CCDC138: variants seen among roughly 807,000 people sequenced by gnomAD.
The protein encoded by CCDC138 is coiled-coil domain-containing protein 138.
CCDC138 carries 66 observed loss-of-function variants against 82.3 expected under a neutral mutation model. The ratio of observed to expected loss-of-function variants is 0.80; its 90% CI spans 0.66 to 0.98. CCDC138 has a LOEUF of 0.98. CCDC138 is among the 50% of genes least tolerant of loss of function. The pLI, the probability that CCDC138 is intolerant of heterozygous loss-of-function variation, is 0.00. For missense variants in CCDC138, 816 were observed against 758.9 expected, an observed-to-expected ratio of 1.08 and a Z score of -0.88; for synonymous variants, 297 against 265.4, an observed-to-expected ratio of 1.12 and a Z score of -1.16.
intron 1 of CCDC138, 86 bp downstream of exon 1, chr2:108,787,001 G>T (rs1678929172): frequency 4.4e-6 from 4 of 913,516 alleles, no homozygotes; most frequent in Non-Finnish European, 4.5e-6. Context: ...GCCTGGGGGC[G>T]CGCAGCGGCT....
rs574080332 is a variant in CCDC138, at chr2:108,861,765, G to A, written c.1693+4795G>A. Among the ~76,000 whole-genome samples the A allele has an allele frequency of 9.6e-4, 146 of 152,258 alleles. 2 individuals carry two copies. In the South Asian group the frequency reaches 0.011, roughly 11 times the overall value. On this transcript the variant is annotated intron_variant, in intron 13 of 14. Coordinates refer to ENST00000295124, the MANE Select transcript of CCDC138 (RefSeq NM_144978.3). Reference sequence around the variant, plus strand: ...CAAAGTGCTGGGATTACAGGCGTGAGCCACCGCGCCCGGCCTAAACCTCGG... The same window carrying A: ...CAAAGTGCTGGGATTACAGGCGTGAACCACCGCGCCCGGCCTAAACCTCGG...
At chr2:108,794,194 G>A (rs1680458985) in intron 4 of CCDC138, among the ~76,000 whole-genome samples, 1 of 152,170 alleles carries the variant, frequency 6.6e-6, no homozygotes, top group Non-Finnish European at 1.5e-5. Flanking sequence ...TGCATTAGTG[G>A]TAAATTTGGT....
At chr2:108,856,681 T>G in intron 12 of CCDC138, 113 bp from the exon 13 acceptor site, 1 of 960,540 alleles carries the variant, frequency 1.0e-6, no homozygotes. Flanking sequence ...CTTATTTAAT[T>G]TTTGTTTGTC....
At chr2:108,797,448 A>G (rs1343834712) in intron 5 of CCDC138, among the ~76,000 whole-genome samples, 3 of 152,242 alleles carry the variant, frequency 2.0e-5, no homozygotes, top group African/African-American at 4.8e-5. Context: ...ATAGAGGAAT[A>G]TGGGCTGAAG....
At chr2:108,788,594 C>A (rs1483013729) in intron 2 of CCDC138, among the ~76,000 whole-genome samples, 1 of 151,688 alleles carries the variant, frequency 6.6e-6, no homozygotes, top group African/African-American at 2.4e-5. Flanking sequence ...GTGGCGGGCT[C>A]CTGTAGTCCC....
At chr2:108,834,141 C>G (rs999825968) in intron 10 of CCDC138, among the ~76,000 whole-genome samples, 3 of 151,672 alleles carry the variant, frequency 2.0e-5, no homozygotes, top group Non-Finnish European at 4.4e-5. Flanking sequence ...TGTTTCCTGT[C>G]ATCAGAATCA....
chr2:108,881,056 G>T (rs1380927790), downstream of CCDC138, among the ~76,000 whole-genome samples: 9 of 152,234 alleles, frequency 5.9e-5, no homozygotes, highest in African/African-American at 1.9e-4. Context: ...CTGCCGATGT[G>T]GTGGGAATTG....
chr2:108,830,089 A>G lies in CCDC138; in HGVS notation c.1207-9096A>G, dbSNP rs1687305948. ...ACATACACAAGACTATTATTCAGGC[A>G]TGAAATTGACACATGCTACAGCATG... On this transcript the variant is annotated intron_variant, in intron 10 of 14. Transcript: ENST00000295124. Among the ~76,000 whole-genome samples, 8 of 152,354 alleles carry G rather than the reference A, an allele frequency of 5.3e-5. No homozygotes were observed. In the South Asian group the frequency reaches 1.7e-3, roughly 32 times the overall value.
At chr2:108,860,935 C>CTGTTTTTTTTTTT (rs1693476519) in intron 13 of CCDC138, among the ~76,000 whole-genome samples, 2 of 37,932 alleles carry the variant, frequency 5.3e-5, no homozygotes, top group Non-Finnish European at 8.9e-5. Context: ...TGGTCCAGGA[C>CTGTTTTTTTTTTT]TTTTTTTTTT....
intron 13 of CCDC138, among the ~76,000 whole-genome samples, chr2:108,858,172 C>A (rs770298706): frequency 6.6e-6 from 1 of 152,078 alleles, no homozygotes; most frequent in Non-Finnish European, 1.5e-5. Flanking sequence ...GGTGAAACCC[C>A]GTCTGTACTA....
chr2:108,864,567 G>A (rs1354941786), intron 13 of CCDC138, among the ~76,000 whole-genome samples: 1 of 152,118 alleles, frequency 6.6e-6, no homozygotes, highest in Non-Finnish European at 1.5e-5. Flanking sequence ...GGAGGCCAAG[G>A]CGGGCAGATC....
intron 12 of CCDC138, among the ~76,000 whole-genome samples, chr2:108,852,260 ACT>A (rs1212176333): frequency 6.6e-6 from 1 of 152,114 alleles, no homozygotes; most frequent in Non-Finnish European, 1.5e-5. Flanking sequence ...GTAAGATACA[ACT>A]CTTCTTTATG....
chr2:108,828,396 C>T (rs1287631976), intron 10 of CCDC138, among the ~76,000 whole-genome samples: 2 of 151,994 alleles, frequency 1.3e-5, no homozygotes, highest in African/African-American at 4.8e-5. Context: ...CAATGAAAAG[C>T]CAAAACAACC....
At chr2:108,804,567 A>G (rs912073119) in intron 6 of CCDC138, among the ~76,000 whole-genome samples, 2 of 152,288 alleles carry the variant, frequency 1.3e-5, no homozygotes, top group East Asian at 3.9e-4. Context: ...TTATTATTCC[A>G]TGATGTCAAA....
chr2:108,881,107 G>A (rs1380119357), downstream of CCDC138, among the ~76,000 whole-genome samples: 3 of 152,240 alleles, frequency 2.0e-5, no homozygotes. Flanking sequence ...AGATGGCATG[G>A]TCTTCCAATA....
At chr2:108,823,845 CGG>C (rs1686115650) in intron 10 of CCDC138, among the ~76,000 whole-genome samples, 1 of 151,998 alleles carries the variant, frequency 6.6e-6, no homozygotes, top group Non-Finnish European at 1.5e-5. Flanking sequence ...GGCGTGGTGG[CGG>C]GCATCTGTAA....
At chr2:108,789,062 G>GGAC in intron 3 of CCDC138, 96 bp downstream of exon 3, 13 of 1,283,874 alleles carry the variant, frequency 1.0e-5, no homozygotes, top group Non-Finnish European at 1.4e-5. Flanking sequence ...TCTTTCCTGA[G>GGAC]GACAAGTATG....
intron 11 of CCDC138, among the ~76,000 whole-genome samples, chr2:108,843,814 T>C (rs1224369534): frequency 6.7e-6 from 1 of 150,300 alleles, no homozygotes; most frequent in African/African-American, 2.4e-5. Flanking sequence ...TCCAGGAAGT[T>C]TTCAGTCATT....
rs201874302 is a variant in CCDC138, at chr2:108,798,578, A to T, written c.727A>T (p.Ile243Leu). The change falls in exon 6 of 15, where the codon ATA becomes TTA. Residue 243 changes from isoleucine (I) to leucine (L), a missense_variant. Transcript: ENST00000295124. ...AGAGGTTCTTACAAGATTTCAAATT[A>T]TAAAAGAGGTAACTATATAGCCTTT... ...EEEVLTRFQI[I>L]KEQHDAEVEH... 3.7e-6 allele frequency: 6 copies of T among 1,605,820 alleles called. No homozygotes were observed. Among genetic ancestry groups the T allele is most frequent in the Non-Finnish European group, 5.1e-6 (6 of 1,175,550 alleles).
Sources: gnomAD v4.1 joint callset for allele counts (sites outside exome capture counted in the v4.1 genomes callset) on GRCh38, gnomAD v4.1.1 for gene constraint, MANE v1.5 for transcripts, NCBI Gene and HGNC (gene_info 2026-07-23, HGNC 2026-07-21) for gene names.